SLC22A7: variants seen among roughly 807,000 people sequenced by gnomAD.
SLC22A7 encodes the protein solute carrier family 22 member 7.
A neutral mutation model predicts 62.2 loss-of-function variants in SLC22A7; 48 were observed. The observed-to-expected ratio is 0.77, with a 90% CI of 0.61 to 0.98. SLC22A7 has a LOEUF of 0.98. SLC22A7 is among the 50% of genes least tolerant of loss of function. The pLI is 0.00. For missense variants in SLC22A7, 581 were observed against 703.8 expected, an observed-to-expected ratio of 0.83 and a Z score of 1.97; for synonymous variants, 276 against 314.8, an observed-to-expected ratio of 0.88 and a Z score of 1.30.
chr6:43,299,619 C>T lies in SLC22A7; in HGVS notation c.504-8C>T, dbSNP rs757874854. The T allele has an allele frequency of 6.2e-7, 1 of 1,614,190 alleles. No homozygotes were observed. ...ACAGGGAACTGACCCTGCATGACCC[C>T]TTTGCAGGTTTGGGCGGCGGCGTCT... On this transcript the variant is annotated splice_region_variant and splice_polypyrimidine_tract_variant and intron_variant, in intron 3 of 10. Coordinates refer to ENST00000372585, the MANE Select transcript of SLC22A7 (RefSeq NM_153320.2). The surrounding 1 kb of genome is among the most constrained non-coding windows in gnomAD (Gnocchi z 4.4).
intron 9 of SLC22A7, chr6:43,303,286 C>A (rs1057039772): frequency 4.5e-5 from 14 of 313,836 alleles, no homozygotes; most frequent in Non-Finnish European, 6.0e-5. Flanking sequence ...CATGGTGAAA[C>A]CCTGTCTCTG....
In SLC22A7 at chr6:43,302,028, G is replaced by A. The variant is rs1778770108; in HGVS notation, c.1062-172G>A. ...TAGGGTAAAGGCGCTTTGACTACTG[G>A]CGCATGCTGCACAGAGGGCATTATG... On this transcript the variant is annotated intron_variant, in intron 7 of 10. Transcript: ENST00000372585. This position sits in a 1 kb window ranked among gnomAD's most constrained non-coding sequence, Gnocchi z 5.0. Among the ~76,000 whole-genome samples, 1 of 152,150 alleles carries A rather than the reference G, an allele frequency of 6.6e-6. No homozygotes were observed. Among genetic ancestry groups the A allele is most frequent in the South Asian group, 2.1e-4 (1 of 4,826 alleles).
upstream of SLC22A7, chr6:43,298,077 C>T (rs1778598463): frequency 2.6e-6 from 1 of 392,100 alleles, no homozygotes; most frequent in Admixed American, 4.2e-5. Flanking sequence ...AGCCTTGGTC[C>T]CTGAACACTA....
chr6:43,299,595 C>G lies in SLC22A7; in HGVS notation c.504-32C>G. On this transcript the variant is annotated intron_variant, in intron 3 of 10. Transcript: ENST00000372585. This position sits in a 1 kb window ranked among gnomAD's most constrained non-coding sequence, Gnocchi z 4.4. ...ACCTATGCCTTAGAACCTCCTTCCA[C>G]AGGGAACTGACCCTGCATGACCCCT... The G allele has an allele frequency of 4.3e-6, 7 of 1,613,964 alleles. No individual in the cohort carries two copies. Among genetic ancestry groups the G allele is most frequent in the Non-Finnish European group, 5.9e-6 (7 of 1,179,866 alleles).
Position 43,304,815 on chromosome 6 carries a change from C to A in SLC22A7, c.*90C>A. On this transcript the variant is annotated 3_prime_UTR_variant, in exon 11 of 11. Coordinates refer to ENST00000372585, the MANE Select transcript of SLC22A7 (RefSeq NM_153320.2). The stretch of plus-strand genomic sequence containing the variant: ...GCCCTGCAACTCAGGCTGGGAGTAT[C>A]GAACCCTCTGCCTAGGGCCGGAGTT... 1 of 1,064,666 alleles carries A rather than the reference C, an allele frequency of 9.4e-7. No individual in the cohort carries two copies. Among genetic ancestry groups the A allele is most frequent in the African/African-American group, 1.6e-5 (1 of 61,194 alleles). 66.0% of individuals were successfully genotyped at this position (1,064,666 alleles called of 1,614,324 possible).
chr6:43,297,648 T>C (rs542647571), upstream of SLC22A7, among the ~76,000 whole-genome samples: 5 of 152,068 alleles, frequency 3.3e-5, no homozygotes, highest in Admixed American at 2.0e-4. Context: ...CTGCTGGAAA[T>C]AGGGGAATGG....
upstream of SLC22A7, among the ~76,000 whole-genome samples, chr6:43,297,130 G>C (rs928115148): frequency 6.6e-6 from 1 of 152,032 alleles, no homozygotes; most frequent in African/African-American, 2.4e-5. Flanking sequence ...ATTAACACAC[G>C]CCATGCCATC....
Position 43,301,150 on chromosome 6 carries a change from T to G in SLC22A7, c.843T>G (p.Ser281=), listed in dbSNP as rs747704242. ...GILSLWWVPE[S]ARWLLTQGHV... Reference sequence around the variant, plus strand: ...CTATTCCTAGGTGGGTGCCTGAGTCTGCACGCTGGCTTCTGACCCAAGGCC... The same window carrying G: ...CTATTCCTAGGTGGGTGCCTGAGTCGGCACGCTGGCTTCTGACCCAAGGCC... Residue 281 remains serine, a synonymous_variant, in exon 6 of 11, where the codon TCT becomes TCG. Coordinates refer to ENST00000372585, the MANE Select transcript of SLC22A7 (RefSeq NM_153320.2). The G allele has an allele frequency of 1.2e-6, 2 of 1,614,210 alleles. No homozygotes were observed. Among genetic ancestry groups the G allele is most frequent in the Non-Finnish European group, 1.7e-6 (2 of 1,180,022 alleles).
chr6:43,302,225 G>A lies in SLC22A7; in HGVS notation c.1087G>A (p.Gly363Ser), dbSNP rs140065052. ...VWFGVNFSYYGLSLDVSGLGL... is the reference protein window; with the variant it reads ...VWFGVNFSYYSLSLDVSGLGL... ...GTTCGGAGTGAACTTCTCCTATTAC[G>A]GCCTGAGTCTGGATGTGTCGGGGCT... Residue 363 changes from glycine (G) to serine (S), a missense_variant, in exon 8 of 11, where the codon GGC becomes AGC. By Grantham distance (56) the Gly-to-Ser change is moderately conservative (BLOSUM62 0). Transcript: ENST00000372585. The surrounding 1 kb of genome is among the most constrained non-coding windows in gnomAD (Gnocchi z 5.0). The A allele has an allele frequency of 3.4e-5, 54 of 1,594,664 alleles. No individual in the cohort carries two copies. The highest frequency in any genetic ancestry group is 4.4e-5 in the Non-Finnish European group (51 of 1,167,330).
At position 43,299,056 on chromosome 6, in the gene SLC22A7, AAT is replaced by A. The variant is rs781215688; in HGVS notation, c.394-34_394-33del. The A allele has an allele frequency of 2.6e-6, 4 of 1,554,666 alleles. No homozygotes were observed. In the East Asian group the frequency reaches 9.0e-5, roughly 35 times the overall value. On this transcript the variant is annotated intron_variant, in intron 1 of 10. Transcript: ENST00000372585. The surrounding 1 kb of genome is among the most constrained non-coding windows in gnomAD (Gnocchi z 4.4). ...TTTCTGCAGCAAGAGGTGGAGAAAC[AAT>A]AGAGGCCTTCTTTTCTCCCTTCCTC...
Position 43,304,130 on chromosome 6 carries a change from T to C in SLC22A7, c.1478T>C (p.Leu493Pro). The change falls in exon 10 of 11, where the codon CTG (leucine) becomes CCG (proline). Residue 493 changes from leucine (L) to proline (P), a missense_variant. Physicochemically the swap from Leu to Pro is moderately conservative, Grantham distance 98 (BLOSUM62 -3). Transcript: ENST00000372585. ...TTGCTGGATGGAGTGTGGCTGTCAC[T>C]GCCCAAGCTTACTTATGGGGGGATC... Reference protein sequence around the residue: ...AALLDGVWLSLPKLTYGGIAL... With the variant: ...AALLDGVWLSPPKLTYGGIAL... 1.2e-6 allele frequency: 2 copies of C among 1,608,324 alleles called. No homozygotes were observed. The highest frequency in any genetic ancestry group is 1.7e-6 in the Non-Finnish European group (2 of 1,176,644).
chr6:43,303,989 A>G (rs755916030), intron 9 of SLC22A7, 49 bp from the exon 10 acceptor site: 2 of 1,430,166 alleles, frequency 1.4e-6, no homozygotes, highest in Non-Finnish European at 1.9e-6. Context: ...GCATGACTCC[A>G]GGTAGGTGTG....
At chr6:43,301,752 C>A in intron 7 of SLC22A7, 60 bp downstream of exon 7, 4 of 1,272,296 alleles carry the variant, frequency 3.1e-6, no homozygotes, top group South Asian at 2.6e-5. Flanking sequence ...AAACTCCAGG[C>A]TGGTGCTGAG....
chr6:43,301,051 G>A, intron 5 of SLC22A7, 84 bp from the exon 6 acceptor site: 1 of 1,564,912 alleles, frequency 6.4e-7, no homozygotes, highest in Non-Finnish European at 8.7e-7. Context: ...CAAGAGCCTG[G>A]AAGTTGAGAG....
At position 43,305,507 on chromosome 6, in the gene SLC22A7, C is replaced by G; in HGVS notation, c.*782C>G. Reference sequence around the variant, plus strand: ...CATTTTATTGAAGAAGCCACAGAGGCTGAAATTCAATAAACACAAGTTTTA... The same window carrying G: ...CATTTTATTGAAGAAGCCACAGAGGGTGAAATTCAATAAACACAAGTTTTA... On this transcript the variant is annotated 3_prime_UTR_variant, in exon 11 of 11. Coordinates refer to ENST00000372585, the MANE Select transcript of SLC22A7 (RefSeq NM_153320.2). The G allele has an allele frequency of 4.6e-6, 2 of 430,454 alleles. No homozygotes were observed. Among genetic ancestry groups the G allele is most frequent in the Non-Finnish European group, 8.4e-6 (2 of 237,932 alleles). 26.7% of individuals were successfully genotyped at this position (430,454 alleles called of 1,614,324 possible).
rs1400359975 is a variant in SLC22A7 at position 43,302,598 on chromosome 6, G to C, written c.1277-57G>C. On this transcript the variant is annotated intron_variant, in intron 8 of 10. Coordinates refer to ENST00000372585, the MANE Select transcript of SLC22A7 (RefSeq NM_153320.2). The surrounding 1 kb of genome is among the most constrained non-coding windows in gnomAD (Gnocchi z 5.0). ...CTCTGGAGACTCCGCACCCTATCCA[G>C]AACACCCCTGGCTCTCCTCCAAGGC... The C allele has an allele frequency of 1.6e-5, 22 of 1,381,784 alleles. No homozygotes were observed. The highest frequency in any genetic ancestry group is 2.9e-5 in the African/African-American group (2 of 70,010). 85.6% of individuals were successfully genotyped at this position (1,381,784 alleles called of 1,614,324 possible).
chr6:43,299,677 T>C lies in SLC22A7; in HGVS notation c.554T>C (p.Leu185Pro). Residue 185 changes from leucine (L) to proline (P), a missense_variant, in exon 4 of 11, where the codon CTG (leucine) becomes CCG (proline). Coordinates refer to ENST00000372585, the MANE Select transcript of SLC22A7 (RefSeq NM_153320.2). This position sits in a 1 kb window ranked among gnomAD's most constrained non-coding sequence, Gnocchi z 4.4. ...LLVAYVSTLV[L>P]GLASAASVSY... ...GTAGCCTACGTGAGTACCCTGGTGC[T>C]GGGCCTGGCATCTGCAGCCTCCGTC... The C allele has an allele frequency of 6.2e-7, 1 of 1,614,226 alleles. No individual in the cohort carries two copies. The highest frequency in any genetic ancestry group is 8.5e-7 in the Non-Finnish European group (1 of 1,180,030).
At chr6:43,298,212 G>A, upstream of SLC22A7, 1 of 710,618 alleles carries the variant, frequency 1.4e-6, no homozygotes, top group East Asian at 2.8e-5. Flanking sequence ...CCAGTCCTGG[G>A]CCAGCCCCTG....
chr6:43,302,225 G>C lies in SLC22A7; in HGVS notation c.1087G>C (p.Gly363Arg). Residue 363 changes from glycine to arginine, a missense_variant, in exon 8 of 11, where the codon GGC (glycine) becomes CGC (arginine). Physicochemically the swap from Gly to Arg is moderately radical, Grantham distance 125. Transcript: ENST00000372585. The surrounding 1 kb of genome is among the most constrained non-coding windows in gnomAD (Gnocchi z 5.0). ...GTTCGGAGTGAACTTCTCCTATTAC[G>C]GCCTGAGTCTGGATGTGTCGGGGCT... ...VWFGVNFSYY[G>R]LSLDVSGLGL... 1 of 1,594,664 alleles carries C rather than the reference G, an allele frequency of 6.3e-7. No individual in the cohort carries two copies. Among genetic ancestry groups the C allele is most frequent in the Admixed American group, 1.7e-5 (1 of 58,442 alleles).
Sources: allele counts gnomAD v4.1 joint callset (sites outside exome capture counted in the v4.1 genomes callset), GRCh38; gene constraint gnomAD v4.1.1; non-coding constraint Gnocchi (gnomAD v3.1); transcripts MANE v1.5; gene names NCBI Gene and HGNC (gene_info 2026-07-23, HGNC 2026-07-21).